IGF1R: variants seen among roughly 807,000 people sequenced by gnomAD.
IGF1R encodes the protein insulin-like growth factor 1 receptor.
A neutral mutation model predicts 144.6 loss-of-function variants in IGF1R; 44 were observed. The ratio of observed to expected loss-of-function variants is 0.30; its 90% CI spans 0.24 to 0.39. The LOEUF (loss-of-function observed/expected upper bound fraction) is 0.39. Among genes scored for constraint, IGF1R ranks in the 10% least tolerant of loss-of-function variants. The probability of loss-of-function intolerance (pLI) is 1.00; values close to 1 mark genes in which losing one functional copy is unlikely to be tolerated. For synonymous variants in IGF1R, 795 were observed against 722.8 expected, an observed-to-expected ratio of 1.10 and a Z score of -1.60; for missense variants, 1,355 against 1,833.7, an observed-to-expected ratio of 0.74 and a Z score of 4.77.
chr15:98,923,593 G>A (rs1284277628), intron 11 of IGF1R, among the ~76,000 whole-genome samples: 1 of 152,206 alleles, frequency 6.6e-6, no homozygotes, highest in Non-Finnish European at 1.5e-5. Flanking sequence ...TTTTTGTTGA[G>A]GGACTGGGGA....
intron 4 of IGF1R, among the ~76,000 whole-genome samples, chr15:98,898,444 T>C (rs1253231877): frequency 6.6e-6 from 1 of 152,242 alleles, no homozygotes; most frequent in Non-Finnish European, 1.5e-5. Flanking sequence ...GGAAATTTCC[T>C]GATCTTGACT....
chr15:98,906,201 G>T (rs1055624270), intron 5 of IGF1R, among the ~76,000 whole-genome samples: 1 of 152,222 alleles, frequency 6.6e-6, no homozygotes. Context: ...GCTTCCTCCC[G>T]TGGGGGAGAA....
intron 2 of IGF1R, among the ~76,000 whole-genome samples, chr15:98,805,503 GGTGTGT>G (rs58675410): frequency 1.0e-4 from 15 of 150,164 alleles, no homozygotes; most frequent in African/African-American, 3.7e-4. Flanking sequence ...GTGTGTGTAT[GGTGTGT>G]GTGTGTGTGT....
At chr15:98,911,033 C>T (rs948157475) in intron 6 of IGF1R, among the ~76,000 whole-genome samples, 12 of 152,302 alleles carry the variant, frequency 7.9e-5, no homozygotes, top group South Asian at 2.1e-4. Flanking sequence ...TCACTGAAGT[C>T]GCCCCTTGTT....
At chr15:98,670,134 A>C (rs1316474) in intron 1 of IGF1R, among the ~76,000 whole-genome samples, 2 of 152,002 alleles carry the variant, frequency 1.3e-5, no homozygotes, top group African/African-American at 4.8e-5. Context: ...CCCTGTTTTA[A>C]AAAGAGCTTA....
At chr15:98,718,244 C>T (rs983567755) in intron 2 of IGF1R, among the ~76,000 whole-genome samples, 3 of 152,180 alleles carry the variant, frequency 2.0e-5, no homozygotes, top group Non-Finnish European at 2.9e-5. Flanking sequence ...CAAACAAGCG[C>T]CCAGTCCTCT....
At chr15:98,751,121 T>G (rs2055000060) in intron 2 of IGF1R, among the ~76,000 whole-genome samples, 1 of 152,246 alleles carries the variant, frequency 6.6e-6, no homozygotes, top group African/African-American at 2.4e-5. Context: ...AAACACATTT[T>G]AGTGTAGTTG....
At chr15:98,672,335 C>T (rs968180308) in intron 1 of IGF1R, among the ~76,000 whole-genome samples, 32 of 152,076 alleles carry the variant, frequency 2.1e-4, no homozygotes, top group African/African-American at 7.2e-4. Flanking sequence ...GAGGCCGAGG[C>T]GGGCGGATCA....
chr15:98,651,601 G>A (rs2052370057), intron 1 of IGF1R, among the ~76,000 whole-genome samples: 1 of 152,224 alleles, frequency 6.6e-6, no homozygotes, highest in Non-Finnish European at 1.5e-5. Context: ...GGCCTTCGCC[G>A]ACGCAGGAGT....
chr15:98,868,543 G>A (rs947017799), intron 2 of IGF1R, among the ~76,000 whole-genome samples: 4 of 152,112 alleles, frequency 2.6e-5, no homozygotes, highest in Admixed American at 1.3e-4. Flanking sequence ...CGAGAATTAC[G>A]CTAGAAAACT....
intron 2 of IGF1R, among the ~76,000 whole-genome samples, chr15:98,860,139 TG>T (rs1237290023): frequency 1.3e-5 from 2 of 152,376 alleles, no homozygotes; most frequent in African/African-American, 2.4e-5. Context: ...TGGAGTTTCT[TG>T]AAGTATTGAC....
intron 1 of IGF1R, among the ~76,000 whole-genome samples, chr15:98,685,832 T>A (rs1002557072): frequency 6.6e-6 from 1 of 152,224 alleles, no homozygotes; most frequent in Admixed American, 6.5e-5. Context: ...TTGGGTGGTG[T>A]GGCAGCTGTC....
chr15:98,812,269 G>T (rs967023616), intron 2 of IGF1R, among the ~76,000 whole-genome samples: 1 of 152,096 alleles, frequency 6.6e-6, no homozygotes. Context: ...CTGGAGGTAG[G>T]AAAGTTCCTT....
At chr15:98,813,227 G>A (rs1467814698) in intron 2 of IGF1R, among the ~76,000 whole-genome samples, 1 of 152,164 alleles carries the variant, frequency 6.6e-6, no homozygotes, top group African/African-American at 2.4e-5. Context: ...TAGTGAATGA[G>A]TACAATGCTC....
chr15:98,928,593 C>T (rs1056467948), intron 13 of IGF1R, among the ~76,000 whole-genome samples: 2 of 152,214 alleles, frequency 1.3e-5, no homozygotes, highest in African/African-American at 4.8e-5. Flanking sequence ...GCCATTTCCC[C>T]ACAACCCCCA....
At chr15:98,854,939 C>T (rs2011714240) in intron 2 of IGF1R, among the ~76,000 whole-genome samples, 1 of 142,452 alleles carries the variant, frequency 7.0e-6, no homozygotes, top group African/African-American at 2.9e-5. Flanking sequence ...CCCTCCACCC[C>T]TGCCCCCCCC....
intron 1 of IGF1R, among the ~76,000 whole-genome samples, chr15:98,703,031 T>A (rs2141251338): frequency 6.6e-6 from 1 of 152,254 alleles, no homozygotes; most frequent in Admixed American, 6.5e-5. Flanking sequence ...CTCCCTTCCC[T>A]GACTCCCAGC....
intron 2 of IGF1R, among the ~76,000 whole-genome samples, chr15:98,760,510 A>G (rs1313453215): frequency 6.6e-6 from 1 of 152,244 alleles, no homozygotes; most frequent in Non-Finnish European, 1.5e-5. Flanking sequence ...CTGTAATACA[A>G]GTGCCTTTAT....
intron 2 of IGF1R, among the ~76,000 whole-genome samples, chr15:98,751,222 C>G (rs2055003057): frequency 6.6e-6 from 1 of 152,024 alleles, no homozygotes; most frequent in South Asian, 2.1e-4. Flanking sequence ...CTTTTAAGAG[C>G]TGTGTTCTTG....
Sources: allele counts gnomAD v4.1 joint callset (sites outside exome capture counted in the v4.1 genomes callset), GRCh38; gene constraint gnomAD v4.1.1; transcripts MANE v1.5; gene names NCBI Gene and HGNC (gene_info 2026-07-23, HGNC 2026-07-21).